CYP19A1: variants seen among roughly 807,000 people sequenced by gnomAD.
CYP19A1 encodes the protein aromatase.
A neutral mutation model predicts 44.4 loss-of-function variants in CYP19A1; 32 were observed. That is an observed-to-expected ratio of 0.72 (90% CI 0.54 to 0.97). CYP19A1 has a LOEUF of 0.97. CYP19A1 is among the 50% of genes least tolerant of loss of function. CYP19A1 has a pLI of 0.00. For synonymous variants in CYP19A1, 212 were observed against 215.6 expected, an observed-to-expected ratio of 0.98 and a Z score of 0.14; for missense variants, 598 against 637.8, an observed-to-expected ratio of 0.94 and a Z score of 0.67.
At chr15:51,321,285 C>G (rs916200286) in intron 1 of CYP19A1, among the ~76,000 whole-genome samples, 1 of 152,136 alleles carries the variant, frequency 6.6e-6, no homozygotes, top group Non-Finnish European at 1.5e-5. Context: ...AGCACCCCTC[C>G]CCATCCACCC....
intron 1 of CYP19A1, among the ~76,000 whole-genome samples, chr15:51,262,481 C>T (rs1389380796): frequency 2.0e-5 from 3 of 152,168 alleles, no homozygotes; most frequent in African/African-American, 7.2e-5. Flanking sequence ...CATCAGCCCT[C>T]TCTTGAAACA....
chr15:51,319,864 T>C (rs1466657314), intron 1 of CYP19A1, among the ~76,000 whole-genome samples: 1 of 152,226 alleles, frequency 6.6e-6, no homozygotes, highest in Non-Finnish European at 1.5e-5. Flanking sequence ...TCATTTGTAT[T>C]CTCTGAACCT....
chr15:51,328,068 C>G (rs2141028125), intron 1 of CYP19A1, among the ~76,000 whole-genome samples: 1 of 152,304 alleles, frequency 6.6e-6, no homozygotes, highest in Non-Finnish European at 1.5e-5. Flanking sequence ...TAAATGCACA[C>G]AGAGTCACAT....
chr15:51,248,680 C>T (rs895373000), intron 1 of CYP19A1, among the ~76,000 whole-genome samples: 2 of 152,116 alleles, frequency 1.3e-5, no homozygotes, highest in Admixed American at 6.5e-5. Flanking sequence ...AACTGTATTC[C>T]GCTTCTAGAA....
chr15:51,262,836 T>C (rs2034780595), intron 1 of CYP19A1, among the ~76,000 whole-genome samples: 1 of 152,152 alleles, frequency 6.6e-6, no homozygotes, highest in African/African-American at 2.4e-5. Context: ...GGAATTGACA[T>C]TGAAGCTGAC....
At chr15:51,333,818 A>G (rs987981660) in intron 1 of CYP19A1, among the ~76,000 whole-genome samples, 16 of 152,104 alleles carry the variant, frequency 1.1e-4, no homozygotes, top group African/African-American at 3.9e-4. Context: ...GTCACTCCCA[A>G]CCAGTCTCTC....
Position 51,210,310 on chromosome 15 carries a change from G to A in CYP19A1, c.*498C>T. 2.1e-6 allele frequency: 1 copy of A among 469,220 alleles called. No individual in the cohort carries two copies. Among genetic ancestry groups the A allele is most frequent in the South Asian group, 1.6e-5 (1 of 64,462 alleles). 29.1% of individuals were successfully genotyped at this position (469,220 alleles called of 1,614,324 possible). A position where few individuals can be genotyped will look rare whatever the true frequency, so the allele number is the denominator to read the frequency against. ...AAGCATTTCTCCAAAGACTATGAAT[G>A]TTGCTTTTCCACCTCCACAGAAAAC... On this transcript the variant is annotated 3_prime_UTR_variant, in exon 10 of 10. Coordinates refer to ENST00000396402, the MANE Select transcript of CYP19A1 (RefSeq NM_000103.4).
intron 6 of CYP19A1, among the ~76,000 whole-genome samples, chr15:51,218,279 T>A (rs2031760336): frequency 6.6e-6 from 1 of 152,176 alleles, no homozygotes; most frequent in Non-Finnish European, 1.5e-5. Context: ...AGTGTCCTAG[T>A]TACCAAGCTG....
rs774479048 is a variant in CYP19A1 at position 51,215,713 on chromosome 15, A to G, written c.848T>C (p.Ile283Thr). The G allele has an allele frequency of 6.2e-7, 1 of 1,614,034 alleles. No individual in the cohort carries two copies. Among genetic ancestry groups the G allele is most frequent in the East Asian group, 2.2e-5 (1 of 44,842 alleles). ...EECMDFATELILAEKRGDLTR... is the reference protein window; with the variant it reads ...EECMDFATELTLAEKRGDLTR... ...AGTTCAGGTCAGTACCTCTGCTAAA[A>G]TCAACTCAGTGGCAAAGTCCATACA... Residue 283 changes from isoleucine (I) to threonine (T), a missense_variant, in exon 7 of 10, where the codon ATT becomes ACT. By Grantham distance (89) the Ile-to-Thr change is moderately conservative (BLOSUM62 -1). Coordinates refer to ENST00000396402, the MANE Select transcript of CYP19A1 (RefSeq NM_000103.4).
At chr15:51,317,736 C>T (rs183953555) in intron 1 of CYP19A1, among the ~76,000 whole-genome samples, 158 of 152,310 alleles carry the variant, frequency 1.0e-3, no homozygotes, top group South Asian at 3.7e-3. Flanking sequence ...GCTAATGAGG[C>T]TGGAGTTCAT....
rs1420756470 is a variant in CYP19A1, at chr15:51,208,063, G to A, written c.*2745C>T. 3 of 152,174 alleles carry A rather than the reference G, an allele frequency of 2.0e-5. No individual in the cohort carries two copies. The highest frequency in any genetic ancestry group is 1.3e-4 in the Admixed American group (2 of 15,272). The allele number at this position is 152,174 out of a possible 1,614,324, so 9.4% of individuals were successfully genotyped here. ...TACGCTCCATTTGACTTACTACTTT[G>A]ACAAGGTTTAATTAGTATGTCTTTC... On this transcript the variant is annotated 3_prime_UTR_variant, in exon 10 of 10. Coordinates refer to ENST00000396402, the MANE Select transcript of CYP19A1 (RefSeq NM_000103.4).
chr15:51,333,762 G>A (rs2141032565), intron 1 of CYP19A1, among the ~76,000 whole-genome samples: 1 of 152,262 alleles, frequency 6.6e-6, no homozygotes, highest in East Asian at 1.9e-4. Flanking sequence ...CTCAGCAGAT[G>A]GGGTGTCATC....
At chr15:51,216,472 C>G (rs1400880336) in intron 6 of CYP19A1, among the ~76,000 whole-genome samples, 1 of 152,162 alleles carries the variant, frequency 6.6e-6, no homozygotes, top group African/African-American at 2.4e-5. Flanking sequence ...AGGTTGGTCT[C>G]AAACTCCTGA....
chr15:51,250,545 C>A (rs1230571363), intron 1 of CYP19A1, among the ~76,000 whole-genome samples: 1 of 152,158 alleles, frequency 6.6e-6, no homozygotes, highest in Admixed American at 6.5e-5. Flanking sequence ...GATAGAGTCT[C>A]CCAGAGAAGT....
chr15:51,222,505 C>T lies in CYP19A1; in HGVS notation c.472G>A (p.Val158Ile). The T allele has an allele frequency of 6.2e-7, 1 of 1,614,006 alleles. No homozygotes were observed. Among genetic ancestry groups the T allele is most frequent in the Non-Finnish European group, 8.5e-7 (1 of 1,179,934 alleles). ...TCAGCACAGACTGTGACCATACGAA[C>T]AAGGCCGGGGCCTGACAGAGCTGCA... ...FMKALSGPGLVRMVTVCAESL... is the reference protein window; with the variant it reads ...FMKALSGPGLIRMVTVCAESL... Residue 158 changes from valine (V) to isoleucine (I), a missense_variant, in exon 5 of 10, where the codon GTT (valine) becomes ATT (isoleucine). Physicochemically the swap from Val to Ile is conservative, Grantham distance 29. Coordinates refer to ENST00000396402, the MANE Select transcript of CYP19A1 (RefSeq NM_000103.4).
chr15:51,249,933 A>G (rs1402884403), intron 1 of CYP19A1, among the ~76,000 whole-genome samples: 1 of 152,230 alleles, frequency 6.6e-6, no homozygotes, highest in African/African-American at 2.4e-5. Context: ...TCTTCCTAGC[A>G]AGCTTCCAGT....
intron 1 of CYP19A1, among the ~76,000 whole-genome samples, chr15:51,316,854 T>G (rs1272451153): frequency 6.6e-6 from 1 of 152,214 alleles, no homozygotes. Context: ...TAAGCAAAAG[T>G]GTCATGTGCA....
chr15:51,265,161 A>G (rs1259622228), intron 1 of CYP19A1, among the ~76,000 whole-genome samples: 3 of 152,136 alleles, frequency 2.0e-5, no homozygotes, highest in Non-Finnish European at 4.4e-5. Flanking sequence ...TTGGGCCTCC[A>G]AGGCTATGTG....
intron 1 of CYP19A1, among the ~76,000 whole-genome samples, chr15:51,319,173 C>A (rs1024713016): frequency 6.6e-6 from 1 of 152,236 alleles, no homozygotes; most frequent in Non-Finnish European, 1.5e-5. Flanking sequence ...TGTCTCACCC[C>A]TACACCCTTT....
Sources: gnomAD v4.1 joint callset for allele counts (sites outside exome capture counted in the v4.1 genomes callset) on GRCh38, gnomAD v4.1.1 for gene constraint, MANE v1.5 for transcripts, NCBI Gene and HGNC (gene_info 2026-07-23, HGNC 2026-07-21) for gene names.